NIN: variants seen among roughly 807,000 people sequenced by gnomAD.
NIN encodes ninein.
NIN carries 137 observed loss-of-function variants against 257.6 expected under a neutral mutation model. The observed-to-expected ratio is 0.53, with a 90% CI of 0.46 to 0.61. The LOEUF is 0.61. Ranked by LOEUF, NIN falls within the 20% of genes least tolerant of loss-of-function variation. NIN has a pLI of 0.00. For missense variants in NIN, 2,439 were observed against 2,501.2 expected, an observed-to-expected ratio of 0.98 and a Z score of 0.53; for synonymous variants, 918 against 919.8, an observed-to-expected ratio of 1.00 and a Z score of 0.04.
chr14:50,793,699 C>A (rs1219913504), intron 4 of NIN, among the ~76,000 whole-genome samples: 5 of 152,120 alleles, frequency 3.3e-5, no homozygotes, highest in African/African-American at 1.2e-4. Context: ...TTACCATCAC[C>A]ACCACTGCTG....
intron 4 of NIN, among the ~76,000 whole-genome samples, chr14:50,796,984 AT>A (rs1414954170): frequency 2.0e-5 from 3 of 152,370 alleles, no homozygotes; most frequent in South Asian, 2.1e-4. Flanking sequence ...AGCTAAAATC[AT>A]TATGCAAAAG....
Position 50,763,974 on chromosome 14 carries a change from A to G in NIN, c.1636-10T>C, listed in dbSNP as rs140567829. ...CTTGGTCTTGTAGTACCTGGGATTT[A>G]AAAACCAACACTGGTCTTAGATGTG... On this transcript the variant is annotated splice_polypyrimidine_tract_variant and intron_variant, in intron 14 of 30. Transcript: ENST00000530997. The G allele has an allele frequency of 3.4e-5, 55 of 1,611,488 alleles. No homozygotes were observed. In the African/African-American group the frequency reaches 7.2e-4, roughly 21 times the overall value.
intron 26 of NIN, among the ~76,000 whole-genome samples, 185 bp downstream of exon 26, chr14:50,739,123 T>C (rs918933406): frequency 6.6e-6 from 1 of 152,126 alleles, no homozygotes; most frequent in Non-Finnish European, 1.5e-5. Context: ...ATAAAAATAT[T>C]TTATAAACAT....
intron 22 of NIN, among the ~76,000 whole-genome samples, chr14:50,747,129 A>G (rs2041582407): frequency 6.6e-6 from 1 of 152,220 alleles, no homozygotes; most frequent in African/African-American, 2.4e-5. Flanking sequence ...TATTGGGATT[A>G]CAGGCATGAG....
chr14:50,819,300 C>T (rs2045084859), intron 3 of NIN, among the ~76,000 whole-genome samples: 1 of 152,154 alleles, frequency 6.6e-6, no homozygotes, highest in Admixed American at 6.5e-5. Flanking sequence ...TTGGCTGTGT[C>T]CCCACCCAAA....
At chr14:50,785,906 C>T (rs1478287377) in intron 5 of NIN, among the ~76,000 whole-genome samples, 3 of 152,282 alleles carry the variant, frequency 2.0e-5, no homozygotes, top group South Asian at 4.1e-4. Flanking sequence ...TCTCTCCATT[C>T]TGAACTCCCG....
intron 3 of NIN, among the ~76,000 whole-genome samples, chr14:50,810,074 A>G (rs981741664): frequency 2.6e-5 from 4 of 152,044 alleles, no homozygotes; most frequent in Admixed American, 1.3e-4. Context: ...TACTAAAAAC[A>G]CAAAAAATTA....
intron 25 of NIN, among the ~76,000 whole-genome samples, chr14:50,739,832 C>T (rs1045768670): frequency 1.1e-4 from 17 of 152,290 alleles, no homozygotes; most frequent in African/African-American, 3.4e-4. Context: ...TTCATTCTTA[C>T]GAAGTTATCT....
intron 3 of NIN, among the ~76,000 whole-genome samples, chr14:50,810,197 C>T (rs1175106985): frequency 6.9e-6 from 1 of 145,346 alleles, no homozygotes; most frequent in Non-Finnish European, 1.5e-5. Context: ...GGCCACTGCA[C>T]TACAGCCTGG....
rs7143959 is a variant in NIN at position 50,778,948 on chromosome 14, T to C, written c.436-144A>G. On this transcript the variant is annotated intron_variant, in intron 5 of 30. Transcript: ENST00000530997. ...ATTTCAGGACTCTCTAGTGTATCCA[T>C]CTAGATGAGTTCTCTTCAGTTAACC... is the stretch of plus-strand genomic sequence containing the variant. 431,174 of 761,590 alleles carry C rather than the reference T, an allele frequency of 0.57. 128,962 individuals carry two copies. Among genetic ancestry groups the C allele is most frequent in the East Asian group, 0.82 (30,332 of 37,216 alleles). The allele number at this position is 761,590 out of a possible 1,614,324, so 47.2% of individuals were successfully genotyped here.
intron 27 of NIN, among the ~76,000 whole-genome samples, chr14:50,737,135 C>A (rs184337583): frequency 6.6e-6 from 1 of 152,242 alleles, no homozygotes; most frequent in East Asian, 1.9e-4. Flanking sequence ...GTATGTCACT[C>A]GCAGGATTAG....
In NIN at chr14:50,725,881, A is replaced by G. The variant is rs140475665; in HGVS notation, c.6192+72T>C. On this transcript the variant is annotated intron_variant, in intron 30 of 30. Coordinates refer to ENST00000530997, the MANE Select transcript of NIN (RefSeq NM_020921.4). ...AACATAAGTTAACGAGTTAATGGCA[A>G]TAAAGGGATGTAAAACTGGAGTTAA... 2.5e-6 allele frequency: 4 copies of G among 1,613,420 alleles called. 1 individual carries two copies. The Middle Eastern group carries it at 4.9e-4, about 200-fold the overall frequency.
rs192620876 is a variant in NIN at position 50,772,557 on chromosome 14, G to T, written c.814-89C>A. ...TCAGCCCTGACCACGATGGGTAGAA[G>T]GCATGTTTCTCTAATATACAGTGCC... On this transcript the variant is annotated intron_variant, in intron 8 of 30. Coordinates refer to ENST00000530997, the MANE Select transcript of NIN (RefSeq NM_020921.4). The T allele has an allele frequency of 6.1e-4, 707 of 1,159,186 alleles. 1 individual carries two copies. The highest frequency in any genetic ancestry group is 1.0e-3 in the Middle Eastern group (4 of 3,856). The allele number at this position is 1,159,186 out of a possible 1,614,324, so 71.8% of individuals were successfully genotyped here.
chr14:50,758,369 A>G lies in NIN; in HGVS notation c.2661T>C (p.Ser887=). The change falls in exon 18 of 31, where the codon TCT becomes TCC. Residue 887 remains serine, a synonymous_variant. Coordinates refer to ENST00000530997, the MANE Select transcript of NIN (RefSeq NM_020921.4). ...TCTCTCTCTCCTGGGTCAGGACCAG[A>G]GAAGTTGTTTTCTCTCTCTTAAGAG... The part of the protein sequence containing the change: ...KETLKREKTT[S]LVLTQEREML... 2 of 1,614,226 alleles carry G rather than the reference A, an allele frequency of 1.2e-6. No homozygotes were observed. Among genetic ancestry groups the G allele is most frequent in the Non-Finnish European group, 1.7e-6 (2 of 1,180,026 alleles).
rs559878805 is a variant in NIN at position 50,824,623 on chromosome 14, G to T, written c.-21-2546C>A. Among the ~76,000 whole-genome samples the T allele has an allele frequency of 2.6e-5, 4 of 152,292 alleles. No homozygotes were observed. The East Asian group carries it at 7.7e-4, about 29-fold the overall frequency. On this transcript the variant is annotated intron_variant, in intron 2 of 30. Coordinates refer to ENST00000530997, the MANE Select transcript of NIN (RefSeq NM_020921.4). ...TTGGCAGAAAGTTCTTTAATGGTAA[G>T]ATCCACGCTCCTATTTCTTTTATAT...
Position 50,772,558 on chromosome 14 carries a change from G to A in NIN, c.814-90C>T, listed in dbSNP as rs533362663. The A allele has an allele frequency of 1.8e-5, 21 of 1,154,412 alleles. No homozygotes were observed. In the East Asian group the frequency reaches 5.0e-4, roughly 27 times the overall value. 71.5% of individuals were successfully genotyped at this position (1,154,412 alleles called of 1,614,324 possible). A position where few individuals can be genotyped will look rare whatever the true frequency, so the allele number is the denominator to read the frequency against. On this transcript the variant is annotated intron_variant, in intron 8 of 30. Transcript: ENST00000530997. The stretch of plus-strand genomic sequence containing the variant: ...CAGCCCTGACCACGATGGGTAGAAG[G>A]CATGTTTCTCTAATATACAGTGCCA...
intron 4 of NIN, among the ~76,000 whole-genome samples, chr14:50,800,532 C>T (rs139113604): frequency 4.2e-4 from 64 of 152,328 alleles, no homozygotes; most frequent in Non-Finnish European, 7.5e-4. Flanking sequence ...TAACCTTATA[C>T]ACACATTTTT....
chr14:50,752,222 A>G (rs1413092416), intron 21 of NIN, among the ~76,000 whole-genome samples: 1 of 151,834 alleles, frequency 6.6e-6, no homozygotes, highest in African/African-American at 2.4e-5. Context: ...GGAATGAAAC[A>G]TAGGTCTAAT....
At chr14:50,733,589 G>A (rs903457967) in intron 28 of NIN, among the ~76,000 whole-genome samples, 3 of 152,274 alleles carry the variant, frequency 2.0e-5, no homozygotes, top group African/African-American at 7.2e-5. Context: ...TGCTTACGAT[G>A]GCTAATAATG....
Sources: gnomAD v4.1 joint callset for allele counts (sites outside exome capture counted in the v4.1 genomes callset) on GRCh38, gnomAD v4.1.1 for gene constraint, MANE v1.5 for transcripts, NCBI Gene and HGNC (gene_info 2026-07-23, HGNC 2026-07-21) for gene names.